Variants in OPHN1 observed in about 807,000 individuals in gnomAD.
OPHN1 encodes oligophrenin-1.
Under a neutral mutation model 60.7 loss-of-function variants are expected in OPHN1, and 11 were observed. The observed-to-expected ratio is 0.18, with a 90% CI of 0.11 to 0.30. The LOEUF (loss-of-function observed/expected upper bound fraction) is 0.30. Among genes scored for constraint, OPHN1 ranks in the 10% least tolerant of loss-of-function variants. The pLI, the probability that OPHN1 is intolerant of heterozygous loss-of-function variation, is 1.00. For missense variants in OPHN1, 449 were observed against 611.0 expected (o/e 0.73, Z 2.80); for synonymous variants, 226 against 222.6 (o/e 1.02, Z -0.14).
chrX:68,336,838 G>GT (rs2078325812), intron 2 of OPHN1, among the ~76,000 whole-genome samples: 1 of 110,669 alleles, frequency 9.0e-6, no homozygotes, highest in Admixed American at 9.8e-5. Flanking sequence ...AGGATCACTT[G>GT]AGGTCAGGAG....
intron 6 of OPHN1, among the ~76,000 whole-genome samples, chrX:68,230,904 A>G (rs1281421188): frequency 9.0e-6 from 1 of 111,415 alleles, no homozygotes; most frequent in Non-Finnish European, 1.9e-5. Context: ...CTTATAATTT[A>G]AAGTATAATA....
intron 2 of OPHN1, among the ~76,000 whole-genome samples, chrX:68,422,631 AAAG>A (rs2078832734): frequency 8.2e-5 from 8 of 97,120 alleles, no homozygotes; most frequent in South Asian, 5.1e-4. Context: ...AAAGAAAGAA[AAAG>A]GAAGGAAGGA....
intron 2 of OPHN1, among the ~76,000 whole-genome samples, chrX:68,310,773 GATT>G (rs1033450033): frequency 1.8e-5 from 2 of 111,994 alleles, no homozygotes; most frequent in Non-Finnish European, 3.8e-5. Context: ...CCAAAAAATG[GATT>G]ATTAGTTTTT....
At chrX:68,380,914 A>C (rs1602370597) in intron 2 of OPHN1, among the ~76,000 whole-genome samples, 3 of 111,715 alleles carry the variant, frequency 2.7e-5, no homozygotes, top group East Asian at 5.7e-4. Flanking sequence ...TATCCCCACT[A>C]TACAGAAGAG....
chrX:68,375,940 T>C (rs949847443), intron 2 of OPHN1, among the ~76,000 whole-genome samples: 4 of 111,216 alleles, frequency 3.6e-5, no homozygotes, highest in Non-Finnish European at 7.5e-5. Context: ...AGTCTGACTC[T>C]AGAATTATGT....
chrX:68,283,217 G>A (rs1160910879), intron 3 of OPHN1, 100 bp from the exon 4 acceptor site: 7 of 617,675 alleles, frequency 1.1e-5, no homozygotes, highest in East Asian at 3.5e-5. Context: ...AGTGCCCTAT[G>A]CCCACATGGC....
At chrX:68,324,231 T>C (rs1003399937) in intron 2 of OPHN1, among the ~76,000 whole-genome samples, 1 of 111,232 alleles carries the variant, frequency 9.0e-6, no homozygotes, top group Non-Finnish European at 1.9e-5. Flanking sequence ...GGCAAACCAT[T>C]AGAAATAATG....
At chrX:68,195,314 C>T (rs1385200251) in intron 12 of OPHN1, among the ~76,000 whole-genome samples, 1 of 111,848 alleles carries the variant, frequency 8.9e-6, no homozygotes, top group Non-Finnish European at 1.9e-5. Context: ...GAATACTTCT[C>T]TGTGGAAAGG....
chrX:68,344,541 G>A (rs1037297297), intron 2 of OPHN1, among the ~76,000 whole-genome samples: 1 of 108,921 alleles, frequency 9.2e-6, no homozygotes, highest in Non-Finnish European at 1.9e-5. Context: ...GAACCCAGGA[G>A]GCAGAGGTTG....
intron 15 of OPHN1, among the ~76,000 whole-genome samples, chrX:68,170,806 T>G (rs2077387225): frequency 1.1e-5 from 1 of 93,495 alleles, no homozygotes; most frequent in African/African-American, 3.9e-5. Flanking sequence ...GGGGGAGGGA[T>G]AGCTTTAGGA....
intron 19 of OPHN1, among the ~76,000 whole-genome samples, chrX:68,093,855 C>T (rs1428542753): frequency 9.0e-6 from 1 of 110,570 alleles, no homozygotes; most frequent in Admixed American, 9.7e-5. Context: ...CTCCAAATCT[C>T]GGTAGCTTTT....
intron 5 of OPHN1, among the ~76,000 whole-genome samples, chrX:68,269,407 A>G: frequency 9.0e-6 from 1 of 111,658 alleles, no homozygotes; most frequent in Middle Eastern, 4.6e-3. Flanking sequence ...CCAATGGAAC[A>G]GAACAGAGCC....
chrX:68,067,202 C>T (rs1049735592), intron 20 of OPHN1, among the ~76,000 whole-genome samples: 1 of 112,056 alleles, frequency 8.9e-6, no homozygotes, highest in African/African-American at 3.2e-5. Flanking sequence ...AAACAGGTAA[C>T]TTTTAAGCTG....
At chrX:68,355,917 G>C (rs777189482) in intron 2 of OPHN1, among the ~76,000 whole-genome samples, 8 of 110,903 alleles carry the variant, frequency 7.2e-5, no homozygotes, top group African/African-American at 2.6e-4. Flanking sequence ...GTGGGTGGTG[G>C]CACATGCCTA....
chrX:68,280,654 C>G (rs186471829), intron 4 of OPHN1, among the ~76,000 whole-genome samples: 1 of 111,785 alleles, frequency 8.9e-6, no homozygotes, highest in Non-Finnish European at 1.9e-5. Flanking sequence ...GAATTCCCAT[C>G]TTACCATCAT....
intron 15 of OPHN1, among the ~76,000 whole-genome samples, chrX:68,158,366 G>A (rs1023921917): frequency 8.9e-6 from 1 of 111,883 alleles, no homozygotes; most frequent in African/African-American, 3.2e-5. Flanking sequence ...AGATGTTGGA[G>A]GAAAATCCTG....
chrX:68,108,127 T>C (rs1157462013), intron 18 of OPHN1, among the ~76,000 whole-genome samples: 1 of 112,497 alleles, frequency 8.9e-6, no homozygotes, highest in Non-Finnish European at 1.9e-5. Flanking sequence ...TTGTTATTGA[T>C]GTTCAGGTTG....
intron 1 of OPHN1, 63 bp downstream of exon 1, chrX:68,433,105 C>A (rs2078894201): frequency 3.1e-6 from 3 of 980,167 alleles, no homozygotes; most frequent in Non-Finnish European, 4.1e-6. Context: ...GTAGAGGGGA[C>A]GGACTGAGCG....
chrX:68,232,765 T>C (rs1283970381), intron 6 of OPHN1, among the ~76,000 whole-genome samples: 2 of 110,635 alleles, frequency 1.8e-5, no homozygotes, highest in Admixed American at 9.7e-5. Context: ...GTCTCAGGCC[T>C]GTTGACTGTT....
Sources: gnomAD v4.1 joint callset for allele counts (sites outside exome capture counted in the v4.1 genomes callset) on GRCh38, gnomAD v4.1.1 for gene constraint, MANE v1.5 for transcripts, NCBI Gene and HGNC (gene_info 2026-07-23, HGNC 2026-07-21) for gene names.